The following LARGE1 variants were observed in gnomAD, a reference collection of about 807,000 sequenced individuals.
The protein encoded by LARGE1 is xylosyl- and glucuronyltransferase LARGE1.
In LARGE1, 43 loss-of-function variants were observed where a neutral mutation model predicts 87.6. That is an observed-to-expected ratio of 0.49 (90% CI 0.38 to 0.63). LARGE1 has a LOEUF of 0.63. Ranked by LOEUF, LARGE1 falls within the 30% of genes least tolerant of loss-of-function variation. The pLI, the probability that LARGE1 is intolerant of heterozygous loss-of-function variation, is 0.00. For missense variants in LARGE1, 802 were observed against 1,000.2 expected, an observed-to-expected ratio of 0.80 and a Z score of 2.67; for synonymous variants, 434 against 394.6, an observed-to-expected ratio of 1.10 and a Z score of -1.18.
the LARGE1 span, among the ~76,000 whole-genome samples, chr22:33,121,311 G>T: frequency 6.6e-6 from 1 of 152,204 alleles, no homozygotes. Flanking sequence ...GAGCCTTTGA[G>T]CTAGAACACC....
At chr22:33,821,943 CT>C (rs2086836721) in intron 1 of LARGE1, among the ~76,000 whole-genome samples, 1 of 130,082 alleles carries the variant, frequency 7.7e-6, no homozygotes, top group Admixed American at 7.4e-5. Context: ...GTTTAAGTGA[CT>C]TTTTTAGGTT....
At chr22:33,343,434 T>C (rs955220955) in intron 9 of LARGE1, among the ~76,000 whole-genome samples, 4 of 152,222 alleles carry the variant, frequency 2.6e-5, no homozygotes, top group African/African-American at 9.6e-5. Context: ...GCCAGGGTTT[T>C]TTATGTATGT....
intron 9 of LARGE1, among the ~76,000 whole-genome samples, chr22:33,366,075 TAA>T (rs895959580): frequency 4.6e-5 from 7 of 152,230 alleles, no homozygotes; most frequent in African/African-American, 1.7e-4. Context: ...ATTTAAAAAA[TAA>T]AAGTTTAATT....
chr22:33,766,097 C>G (rs751305199), intron 1 of LARGE1, among the ~76,000 whole-genome samples: 3 of 152,150 alleles, frequency 2.0e-5, no homozygotes, highest in Admixed American at 6.5e-5. Flanking sequence ...GAAATCAACA[C>G]AAGAAGAACG....
intron 7 of LARGE1, among the ~76,000 whole-genome samples, chr22:33,399,104 T>C (rs1010277362): frequency 4.6e-5 from 7 of 152,164 alleles, no homozygotes; most frequent in Admixed American, 1.3e-4. Flanking sequence ...CTTCAAGCAT[T>C]AGGTATTTGT....
chr22:33,601,191 C>T (rs1010011847), intron 5 of LARGE1, among the ~76,000 whole-genome samples: 5 of 152,154 alleles, frequency 3.3e-5, no homozygotes, highest in African/African-American at 1.2e-4. Flanking sequence ...CTGACTTTTG[C>T]TACTGAGAGA....
At chr22:33,739,635 G>C (rs565458226) in intron 2 of LARGE1, among the ~76,000 whole-genome samples, 1 of 152,284 alleles carries the variant, frequency 6.6e-6, no homozygotes, top group African/African-American at 2.4e-5. Context: ...TCACTGAAAC[G>C]CATCTGCAGA....
chr22:33,601,653 A>T (rs755277980), intron 5 of LARGE1, among the ~76,000 whole-genome samples: 5 of 152,170 alleles, frequency 3.3e-5, no homozygotes, highest in Non-Finnish European at 5.9e-5. Flanking sequence ...GGGATTCAGG[A>T]ATGTGAGAGA....
At chr22:33,769,352 C>T (rs1435702325) in intron 1 of LARGE1, among the ~76,000 whole-genome samples, 2 of 152,116 alleles carry the variant, frequency 1.3e-5, no homozygotes, top group Non-Finnish European at 2.9e-5. Context: ...CGCAAATTCT[C>T]GTATTGTTTC....
chr22:33,359,656 C>T lies in LARGE1; in HGVS notation c.1132-21855G>A, dbSNP rs1168188402. On this transcript the variant is annotated intron_variant, in intron 9 of 14. Coordinates refer to ENST00000397394, the MANE Select transcript of LARGE1 (RefSeq NM_133642.5). ...TTGGCTCACTGCAAGCTCCGCCTCC[C>T]GGGTTCACACCATTCTCCTGCCTCA... 8.0e-5 allele frequency among the ~76,000 whole-genome samples: 12 copies of T among 149,484 alleles called. No individual in the cohort carries two copies. In the East Asian group the frequency reaches 1.2e-3, roughly 15 times the overall value.
rs910362962 is a variant in LARGE1, at chr22:33,169,858, GA to G, written c.1731-3027del. Among the ~76,000 whole-genome samples, 340 of 146,194 alleles carry G rather than the reference GA, an allele frequency of 2.3e-3. 1 individual carries two copies. Among genetic ancestry groups the G allele is most frequent in the East Asian group, 5.8e-3 (29 of 4,988 alleles). On this transcript the variant is annotated intron_variant, in intron 11 of 11. Transcript: ENST00000608642. ...AGAGCAAGACTCTCTCTCAAAAAAG[GA>G]AAAAAAAAAGTCCTGAGGTTTTACA...
intron 1 of LARGE1, among the ~76,000 whole-genome samples, chr22:33,800,881 A>C (rs139916544): frequency 1.3e-5 from 2 of 152,334 alleles, no homozygotes; most frequent in Non-Finnish European, 2.9e-5. Flanking sequence ...TATAAACACA[A>C]GTTTCCATTT....
chr22:33,120,411 C>CTTTCCTTCT, the LARGE1 span, among the ~76,000 whole-genome samples: 2 of 19,930 alleles, frequency 1.0e-4, no homozygotes, highest in Non-Finnish European at 2.1e-4. Flanking sequence ...TCTTTCTTTC[C>CTTTCCTTCT]TTCTTTCTTT....
At chr22:33,148,350 G>C in the LARGE1 span, among the ~76,000 whole-genome samples, 1 of 152,058 alleles carries the variant, frequency 6.6e-6, no homozygotes, top group African/African-American at 2.4e-5. Context: ...TATTACTATT[G>C]GATTTTTCAC....
the LARGE1 span, among the ~76,000 whole-genome samples, chr22:33,113,580 A>G: frequency 0.34 from 51,696 of 152,114 alleles, 9,138 homozygotes; most frequent in African/African-American, 0.4. Flanking sequence ...CCCAAGACCA[A>G]GAGAGCTTAA....
chr22:33,555,949 G>T (rs2077664476), intron 6 of LARGE1, among the ~76,000 whole-genome samples: 1 of 145,960 alleles, frequency 6.9e-6, no homozygotes, highest in African/African-American at 2.6e-5. Context: ...AAAAAAAAGT[G>T]TAGATTTAAT....
chr22:33,225,692 T>C (rs1925698414), intron 11 of LARGE1, among the ~76,000 whole-genome samples: 1 of 152,104 alleles, frequency 6.6e-6, no homozygotes, highest in African/African-American at 2.4e-5. Context: ...TACCCAATAG[T>C]TATTTTTTTT....
chr22:33,551,356 C>T (rs577891901), intron 6 of LARGE1, among the ~76,000 whole-genome samples: 1 of 152,308 alleles, frequency 6.6e-6, no homozygotes, highest in African/African-American at 2.4e-5. Flanking sequence ...AAAGACCCTA[C>T]AGGTAATTCC....
intron 11 of LARGE1, among the ~76,000 whole-genome samples, chr22:33,226,620 G>T (rs1925746373): frequency 6.6e-6 from 1 of 151,808 alleles, no homozygotes; most frequent in Admixed American, 6.6e-5. Flanking sequence ...TCATTCTCTG[G>T]GCCTGACAAG....
Sources: allele counts gnomAD v4.1 joint callset (sites outside exome capture counted in the v4.1 genomes callset), GRCh38; gene constraint gnomAD v4.1.1; transcripts MANE v1.5; gene names NCBI Gene and HGNC (gene_info 2026-07-23, HGNC 2026-07-21).